Variants in DDX52 observed in about 807,000 individuals in gnomAD.
DDX52 encodes the protein probable ATP-dependent RNA helicase DDX52.
DDX52 carries 59 observed loss-of-function variants against 76.1 expected under a neutral mutation model. The ratio of observed to expected loss-of-function variants is 0.78; its 90% confidence interval spans 0.63 to 0.96. The LOEUF (loss-of-function observed/expected upper bound fraction) is 0.96, where lower values mean the gene tolerates loss of function less well. Ranked by LOEUF, DDX52 falls within the 40% of genes least tolerant of loss-of-function variation. The probability of loss-of-function intolerance (pLI) is 0.00; values close to 1 mark genes in which losing one functional copy is unlikely to be tolerated. For synonymous variants in DDX52, 231 were observed against 244.1 expected (o/e 0.95, Z 0.50); for missense variants, 707 against 703.9 (o/e 1.00, Z -0.05).
chr17:37,614,177 G>T lies in DDX52; in HGVS notation c.*119C>A. Reference sequence around the variant, plus strand: ...CATTTATCACCAGTCCCATGTACTTGTAGTTGATTTCAAATGTTTGGTACA... The same window carrying T: ...CATTTATCACCAGTCCCATGTACTTTTAGTTGATTTCAAATGTTTGGTACA... On this transcript the variant is annotated 3_prime_UTR_variant, in exon 15 of 15. Coordinates refer to ENST00000617633, the MANE Select transcript of DDX52 (RefSeq NM_007010.5). The T allele has an allele frequency of 9.9e-7, 1 of 1,011,708 alleles. No individual in the cohort carries two copies. Among genetic ancestry groups the T allele is most frequent in the South Asian group, 1.7e-5 (1 of 58,418 alleles). 62.7% of individuals were successfully genotyped at this position (1,011,708 alleles called of 1,614,324 possible). A position where few individuals can be genotyped will look rare whatever the true frequency, so the allele number is the denominator to read the frequency against.
chr17:37,625,859 A>T lies in DDX52; in HGVS notation c.1136+36T>A, dbSNP rs140006660. 9,336 of 1,610,678 alleles carry T rather than the reference A, an allele frequency of 5.8e-3. 44 individuals are homozygous for T. The highest frequency in any genetic ancestry group is 7.1e-3 in the Non-Finnish European group (8,374 of 1,177,434). On this transcript the variant is annotated intron_variant, in intron 8 of 14. Transcript: ENST00000617633. ...TAAAAAAGACTTGTATTTAAAAAAA[A>T]AATCAGTGTGATAATGTTGAGAAAC...
intron 5 of DDX52, 28 bp downstream of exon 5, chr17:37,630,002 C>T (rs1366533927): frequency 6.3e-7 from 1 of 1,584,040 alleles, no homozygotes; most frequent in Non-Finnish European, 8.5e-7. Context: ...AAACCAATCG[C>T]ATACTCTTCA....
At chr17:37,642,421 C>T (rs2031248564) in intron 1 of DDX52, 113 bp from the exon 2 acceptor site, 6 of 1,227,356 alleles carry the variant, frequency 4.9e-6, no homozygotes, top group African/African-American at 1.5e-5. Flanking sequence ...AAGTATCTGT[C>T]GAGCTAACAG....
intron 5 of DDX52, among the ~76,000 whole-genome samples, chr17:37,629,465 G>C (rs2030572193): frequency 6.6e-6 from 1 of 152,054 alleles, no homozygotes; most frequent in Non-Finnish European, 1.5e-5. Flanking sequence ...TTGAACCCAG[G>C]AGTTCAAGAC....
intron 4 of DDX52, 69 bp downstream of exon 4, chr17:37,632,042 AAG>A: frequency 1.9e-6 from 3 of 1,597,540 alleles, no homozygotes; most frequent in Non-Finnish European, 2.6e-6. Context: ...AGAGTTCAAG[AAG>A]AGAGGGAAGA....
Position 37,633,940 on chromosome 17 carries a change from C to CTTT in DDX52, c.287-525_287-523dup, listed in dbSNP as rs557054736. 4.9e-3 allele frequency among the ~76,000 whole-genome samples: 642 copies of CTTT among 129,990 alleles called. 5 individuals are homozygous for CTTT. Among genetic ancestry groups the CTTT allele is most frequent in the African/African-American group, 0.015 (514 of 34,246 alleles). 85.3% of individuals were successfully genotyped at this position (129,990 alleles called of 152,430 possible). ...ACTTAAACAATGATAAATTTCTTTCCTTTTTTTTTTTTTTTTTTTGTTTGA... is the reference window on the plus strand; with the variant it reads ...ACTTAAACAATGATAAATTTCTTTCCTTTTTTTTTTTTTTTTTTTTTTGTTTGA... On this transcript the variant is annotated intron_variant, in intron 2 of 14. Coordinates refer to ENST00000617633, the MANE Select transcript of DDX52 (RefSeq NM_007010.5).
At chr17:37,621,657 C>T (rs1351601433) in intron 9 of DDX52, 137 bp from the exon 10 acceptor site, 2 of 1,069,032 alleles carry the variant, frequency 1.9e-6, no homozygotes, top group Non-Finnish European at 1.3e-6. Flanking sequence ...GGCTAGTGGT[C>T]TAATTCTGCC....
chr17:37,617,134 A>C (rs2029872180), intron 14 of DDX52, among the ~76,000 whole-genome samples: 1 of 152,206 alleles, frequency 6.6e-6, no homozygotes. Context: ...TTTTATATTC[A>C]TTTGTATACA....
Position 37,610,030 on chromosome 17 carries a change from C to G in DDX52, c.*4266G>C, listed in dbSNP as rs1000830804. On this transcript the variant is annotated 3_prime_UTR_variant, in exon 15 of 15. Coordinates refer to ENST00000617633, the MANE Select transcript of DDX52 (RefSeq NM_007010.5). ...TCTGCCATCCTGCCACCTTACAGTC[C>G]TTTTGTTTTTCCTATTCTTGCAGGC... The G allele has an allele frequency of 6.6e-6, 1 of 152,190 alleles. No individual in the cohort carries two copies. Among genetic ancestry groups the G allele is most frequent in the African/African-American group, 2.4e-5 (1 of 41,418 alleles). The allele number at this position is 152,190 out of a possible 1,614,324, so 9.4% of individuals were successfully genotyped here.
At chr17:37,621,655 G>T in intron 9 of DDX52, 135 bp from the exon 10 acceptor site, 2 of 1,109,820 alleles carry the variant, frequency 1.8e-6, no homozygotes, top group Non-Finnish European at 1.2e-6. Context: ...TGGGCTAGTG[G>T]TCTAATTCTG....
At position 37,643,397 on chromosome 17, in the gene DDX52, G is replaced by C. The variant is rs780133698; in HGVS notation, c.24C>G (p.Arg8=). The change falls in exon 1 of 15, where the codon CGC becomes CGG. Residue 8 remains arginine, a synonymous_variant. Coordinates refer to ENST00000617633, the MANE Select transcript of DDX52 (RefSeq NM_007010.5). MDVHDLF[R]RLGAGAKFDT... ...CGAATTTGGCCCCCGCGCCGAGCCG[G>C]CGAAAGAGATCGTGGACGTCCATCT... is the stretch of plus-strand genomic sequence containing the variant. 2.5e-6 allele frequency: 4 copies of C among 1,613,992 alleles called. No individual in the cohort carries two copies. The highest frequency in any genetic ancestry group is 3.4e-6 in the Non-Finnish European group (4 of 1,179,914).
intron 14 of DDX52, among the ~76,000 whole-genome samples, chr17:37,615,962 C>T (rs1390051990): frequency 2.6e-5 from 4 of 151,934 alleles, no homozygotes; most frequent in African/African-American, 9.7e-5. Flanking sequence ...TGCAGTGAGC[C>T]GAGATCGTGC....
intron 14 of DDX52, 52 bp downstream of exon 14, chr17:37,618,240 A>G: frequency 7.2e-7 from 1 of 1,396,142 alleles, no homozygotes; most frequent in Non-Finnish European, 9.9e-7. Context: ...AATAATGCCT[A>G]CTATAACTTT....
At chr17:37,619,990 G>A (rs760660385) in intron 12 of DDX52, 151 bp from the exon 13 acceptor site, 12 of 676,216 alleles carry the variant, frequency 1.8e-5, no homozygotes, top group Non-Finnish European at 3.0e-5. Flanking sequence ...CCTGATGTAA[G>A]CACATTGGAT....
intron 2 of DDX52, among the ~76,000 whole-genome samples, chr17:37,638,082 G>A (rs2031014470): frequency 6.6e-6 from 1 of 152,150 alleles, no homozygotes; most frequent in South Asian, 2.1e-4. Flanking sequence ...TAAAGACAAA[G>A]CACAATTAAA....
At position 37,611,734 on chromosome 17, in the gene DDX52, C is replaced by CAAAAAAA; in HGVS notation, c.*2555_*2561dup. 1.2e-5 allele frequency: 1 copy of CAAAAAAA among 83,340 alleles called. No individual in the cohort carries two copies. The highest frequency in any genetic ancestry group is 2.4e-5 in the Non-Finnish European group (1 of 42,064). The allele number at this position is 83,340 out of a possible 1,614,324, so 5.2% of individuals were successfully genotyped here. On this transcript the variant is annotated 3_prime_UTR_variant, in exon 15 of 15. Transcript: ENST00000617633. Reference sequence around the variant, plus strand: ...GGGCAACAGAGCAAGACTCCATCTCCAAAAAAAAAAAAAAAAAAAAATCTA... The same window carrying CAAAAAAA: ...GGGCAACAGAGCAAGACTCCATCTCCAAAAAAAAAAAAAAAAAAAAAAAAAAAATCTA...
Position 37,621,451 on chromosome 17 carries a change from T to G in DDX52, c.1297A>C (p.Ile433Leu), listed in dbSNP as rs1299931958. ...ACATCCACATTAATACCTTCATATA[T>G]GAGCTCATGAAAAAGTTCTTTAGCC... ...ERAKELFHEL[I>L]YEGINVDVIH... The change falls in exon 10 of 15, where the codon ATA (isoleucine) becomes CTA (leucine). Residue 433 changes from isoleucine to leucine, a missense_variant. Coordinates refer to ENST00000617633, the MANE Select transcript of DDX52 (RefSeq NM_007010.5). 6.2e-7 allele frequency: 1 copy of G among 1,613,756 alleles called. No individual in the cohort carries two copies. The highest frequency in any genetic ancestry group is 8.5e-7 in the Non-Finnish European group (1 of 1,179,920).
chr17:37,620,899 A>C lies in DDX52; in HGVS notation c.1551T>G (p.Thr517=), dbSNP rs1056944126. Residue 517 remains threonine (T), a synonymous_variant, in exon 12 of 15, where the codon ACT becomes ACG. Transcript: ENST00000617633. ...GNKGKAITFF[T]EDDKPLLRSV... is the part of the protein sequence containing the mutation. ...TTCTTAATAATGGCTTATCATCCTC[A>C]GTGAAAAATGTAATTGCTTTTCCCT... 1.3e-6 allele frequency: 2 copies of C among 1,594,610 alleles called. No homozygotes were observed. The highest frequency in any genetic ancestry group is 2.7e-5 in the African/African-American group (2 of 73,638).
intron 14 of DDX52, among the ~76,000 whole-genome samples, chr17:37,617,163 T>A (rs1173858861): frequency 1.3e-5 from 2 of 152,252 alleles, no homozygotes; most frequent in Non-Finnish European, 1.5e-5. Context: ...ACCAAGTACC[T>A]TGCAGAACAA....
Sources: gnomAD v4.1 joint callset for allele counts (sites outside exome capture counted in the v4.1 genomes callset) on GRCh38, gnomAD v4.1.1 for gene constraint, MANE v1.5 for transcripts, NCBI Gene and HGNC (gene_info 2026-07-23, HGNC 2026-07-21) for gene names.